The following TRPM3 variants were observed in gnomAD, a reference collection of about 807,000 sequenced individuals.
TRPM3 encodes the protein transient receptor potential cation channel subfamily M member 3, also known as long transient receptor potential channel 3.
Under a neutral mutation model 181.2 loss-of-function variants are expected in TRPM3, and 77 were observed. That is an observed-to-expected ratio of 0.42 (90% CI 0.35 to 0.51). TRPM3 has a LOEUF of 0.51. TRPM3 is among the 20% of genes least tolerant of loss of function. The pLI is 0.01. For missense variants in TRPM3, 1,759 were observed against 2,196.7 expected (o/e 0.80, Z 3.98); for synonymous variants, 745 against 796.4 (o/e 0.94, Z 1.09).
intron 1 of TRPM3, among the ~76,000 whole-genome samples, chr9:70,962,438 G>A (rs2097145565): frequency 6.6e-6 from 1 of 152,092 alleles, no homozygotes; most frequent in African/African-American, 2.4e-5. Flanking sequence ...ATTTCTTAGT[G>A]GTTGAGTAAG....
chr9:70,643,121 C>T (rs2058307132), intron 9 of TRPM3, among the ~76,000 whole-genome samples: 1 of 152,324 alleles, frequency 6.6e-6, no homozygotes, highest in African/African-American at 2.4e-5. Flanking sequence ...TAAAAATTAT[C>T]TCCTCAGGTA....
chr9:71,102,686 C>T (rs932260627), intron 1 of TRPM3, among the ~76,000 whole-genome samples: 3 of 152,074 alleles, frequency 2.0e-5, no homozygotes, highest in Non-Finnish European at 2.9e-5. Flanking sequence ...TAACTTTTTC[C>T]TCAAGCAAAA....
At chr9:70,858,796 A>G (rs572110343) in intron 3 of TRPM3, among the ~76,000 whole-genome samples, 2 of 152,076 alleles carry the variant, frequency 1.3e-5, no homozygotes, top group Admixed American at 1.3e-4. Flanking sequence ...TGCACTTGCT[A>G]TCTTAAAATT....
At chr9:71,377,141 T>C (rs963343132) in intron 1 of TRPM3, among the ~76,000 whole-genome samples, 3 of 152,102 alleles carry the variant, frequency 2.0e-5, no homozygotes, top group African/African-American at 7.2e-5. Context: ...AATTATTTGT[T>C]CTCTGTACCA....
intron 1 of TRPM3, among the ~76,000 whole-genome samples, chr9:71,293,183 A>G (rs2085967968): frequency 1.3e-5 from 2 of 151,884 alleles, no homozygotes; most frequent in South Asian, 4.1e-4. Context: ...AAAACCTTAC[A>G]GCAATTATCT....
At chr9:70,795,425 G>C (rs2086770334) in intron 6 of TRPM3, among the ~76,000 whole-genome samples, 1 of 152,220 alleles carries the variant, frequency 6.6e-6, no homozygotes, top group Non-Finnish European at 1.5e-5. Context: ...GAAGAGAAAA[G>C]AAAAATGAAT....
intron 18 of TRPM3, among the ~76,000 whole-genome samples, chr9:70,614,097 T>A (rs2062389594): frequency 6.6e-6 from 1 of 152,126 alleles, no homozygotes; most frequent in Non-Finnish European, 1.5e-5. Flanking sequence ...AAAGTGTGGC[T>A]GATGGAGTCT....
intron 8 of TRPM3, 63 bp from the exon 9 acceptor site, chr9:70,681,641 T>A: frequency 7.5e-7 from 1 of 1,340,108 alleles, no homozygotes; most frequent in East Asian, 2.3e-5. Flanking sequence ...ATTAAATCAA[T>A]GAGACCACAT....
chr9:70,670,540 C>T (rs1417674499), intron 9 of TRPM3, among the ~76,000 whole-genome samples: 2 of 152,134 alleles, frequency 1.3e-5, no homozygotes, highest in African/African-American at 4.8e-5. Context: ...TGTGCTTAAC[C>T]ACTTTCTAGA....
chr9:70,871,451 A>G (rs1236359014), intron 1 of TRPM3, among the ~76,000 whole-genome samples: 1 of 151,996 alleles, frequency 6.6e-6, no homozygotes, highest in Non-Finnish European at 1.5e-5. Context: ...ATAAAGATAA[A>G]TAACTATTCA....
intron 1 of TRPM3, among the ~76,000 whole-genome samples, chr9:71,103,837 C>G (rs1043364132): frequency 3.3e-5 from 5 of 151,370 alleles, no homozygotes; most frequent in African/African-American, 1.2e-4. Flanking sequence ...AGACTATGCC[C>G]TCTTTCTGAA....
At chr9:70,807,230 T>C (rs1488095863) in intron 6 of TRPM3, among the ~76,000 whole-genome samples, 1 of 152,220 alleles carries the variant, frequency 6.6e-6, no homozygotes, top group Non-Finnish European at 1.5e-5. Context: ...TATTTCTTTT[T>C]CCATGGAAAT....
chr9:71,034,857 A>G (rs2132806710), intron 1 of TRPM3, among the ~76,000 whole-genome samples: 1 of 152,142 alleles, frequency 6.6e-6, no homozygotes, highest in Admixed American at 6.5e-5. Flanking sequence ...ATGTCCATAT[A>G]TATGTATATA....
At chr9:71,418,401 G>C (rs1489335709) in intron 1 of TRPM3, among the ~76,000 whole-genome samples, 1 of 151,874 alleles carries the variant, frequency 6.6e-6, no homozygotes, top group Admixed American at 6.6e-5. Context: ...GTCTCATCAG[G>C]ATACGCCTCT....
At position 70,656,238 on chromosome 9, in the gene TRPM3, G is replaced by T. The variant is rs180897506; in HGVS notation, c.1346-15578C>A. 1.1e-4 allele frequency among the ~76,000 whole-genome samples: 16 copies of T among 152,272 alleles called. No homozygotes were observed. The East Asian group carries it at 2.7e-3, about 26-fold the overall frequency. ...TAAAGTGTCAACATTTGGCATAGGG[G>T]TTAAAAAACTATAAACCCAGCCCAA... is the stretch of plus-strand genomic sequence containing the variant. On this transcript the variant is annotated intron_variant, in intron 9 of 25. Coordinates refer to ENST00000677713, the MANE Select transcript of TRPM3 (RefSeq NM_001366145.2).
chr9:71,095,617 G>A (rs1345481758), intron 1 of TRPM3, among the ~76,000 whole-genome samples: 1 of 151,686 alleles, frequency 6.6e-6, no homozygotes, highest in Non-Finnish European at 1.5e-5. Context: ...AAATTAGCCG[G>A]GCATGGTGGC....
chr9:70,747,086 T>G (rs901107865), intron 8 of TRPM3, among the ~76,000 whole-genome samples: 3 of 152,200 alleles, frequency 2.0e-5, no homozygotes, highest in African/African-American at 7.2e-5. Flanking sequence ...ACTCACTTAT[T>G]TGTTAAAGAT....
intron 1 of TRPM3, among the ~76,000 whole-genome samples, chr9:71,388,274 A>G (rs927254453): frequency 6.6e-6 from 1 of 152,312 alleles, no homozygotes; most frequent in East Asian, 1.9e-4. Flanking sequence ...AAAAAAGTAA[A>G]ATCGCTGTTT....
At chr9:71,050,079 G>A (rs1022116640) in intron 1 of TRPM3, among the ~76,000 whole-genome samples, 2 of 152,092 alleles carry the variant, frequency 1.3e-5, no homozygotes, top group Admixed American at 1.3e-4. Flanking sequence ...AATAACAACT[G>A]GACCCAGAAG....
Sources: gnomAD v4.1 joint callset for allele counts (sites outside exome capture counted in the v4.1 genomes callset) on GRCh38, gnomAD v4.1.1 for gene constraint, MANE v1.5 for transcripts, NCBI Gene and HGNC (gene_info 2026-07-23, HGNC 2026-07-21) for gene names.